ANK2: variants seen among roughly 807,000 people sequenced by gnomAD.
ANK2 encodes ankyrin-2.
Under a neutral mutation model 360.5 loss-of-function variants are expected in ANK2, and 83 were observed. The observed-to-expected ratio is 0.23, with a 90% CI of 0.19 to 0.28. The LOEUF is 0.28. Among genes scored for constraint, ANK2 ranks in the 10% least tolerant of loss-of-function variants. ANK2 has a pLI of 1.00. For synonymous variants in ANK2, 1,740 were observed against 1,759.5 expected (o/e 0.99, Z 0.28); for missense variants, 4,201 against 4,795.7 (o/e 0.88, Z 3.66).
chr4:113,073,890 T>C (rs2078819475), intron 1 of ANK2, among the ~76,000 whole-genome samples: 1 of 152,244 alleles, frequency 6.6e-6, no homozygotes, highest in South Asian at 2.1e-4. Flanking sequence ...TGCCAGCTGA[T>C]TATTTCCAGT....
upstream of ANK2, among the ~76,000 whole-genome samples, chr4:112,814,264 G>A (rs2055488151): frequency 1.3e-5 from 2 of 152,066 alleles, no homozygotes; most frequent in African/African-American, 4.8e-5. Flanking sequence ...CAGAAAACAA[G>A]TGTTAATTAC....
At chr4:113,134,895 A>G (rs767010852) in intron 1 of ANK2, among the ~76,000 whole-genome samples, 10 of 152,200 alleles carry the variant, frequency 6.6e-5, no homozygotes, top group Non-Finnish European at 1.5e-4. Flanking sequence ...ATGACCATAG[A>G]AACTTAAAAA....
upstream of ANK2, among the ~76,000 whole-genome samples, chr4:112,816,973 T>C (rs7680008): frequency 0.14 from 21,252 of 152,238 alleles, 2,168 homozygotes; most frequent in East Asian, 0.5. Context: ...ATTGTGCCAC[T>C]GCACTTCAGC....
chr4:113,344,866 G>A (rs571624932), intron 34 of ANK2, among the ~76,000 whole-genome samples: 1 of 152,238 alleles, frequency 6.6e-6, no homozygotes, highest in African/African-American at 2.4e-5. Flanking sequence ...TCTCCTCGAA[G>A]TGAAATAAAG....
At chr4:113,015,264 T>G (rs2056277434) in intron 2 of ANK2, among the ~76,000 whole-genome samples, 1 of 152,170 alleles carries the variant, frequency 6.6e-6, no homozygotes, top group Non-Finnish European at 1.5e-5. Context: ...CTTTCATAAG[T>G]CTTCATTTTC....
At chr4:112,989,640 G>A (rs2046078510) in intron 2 of ANK2, among the ~76,000 whole-genome samples, 1 of 152,184 alleles carries the variant, frequency 6.6e-6, no homozygotes, top group Admixed American at 6.5e-5. Flanking sequence ...ATATCCTGCA[G>A]CCTCATAGTG....
chr4:112,934,981 G>C (rs1397606696), intron 2 of ANK2, among the ~76,000 whole-genome samples: 1 of 152,184 alleles, frequency 6.6e-6, no homozygotes, highest in Non-Finnish European at 1.5e-5. Context: ...TTGGAGGAAA[G>C]AATCTTCCAT....
intron 5 of ANK2, among the ~76,000 whole-genome samples, chr4:113,236,370 T>C (rs1466067309): frequency 6.6e-6 from 1 of 152,202 alleles, no homozygotes; most frequent in Non-Finnish European, 1.5e-5. Context: ...CTAGCACATG[T>C]AATTTTATAT....
Position 113,297,023 on chromosome 4 carries a change from G to A in ANK2, c.2475+3485G>A, listed in dbSNP as rs189607406. Among the ~76,000 whole-genome samples the A allele has an allele frequency of 5.3e-3, 809 of 152,200 alleles. 7 individuals carry two copies. The highest frequency in any genetic ancestry group is 0.018 in the African/African-American group (761 of 41,538). ...ATAGTTCAGTAAACTCAGAAAATGT[G>A]AATATTCTAAGTCCTAAATCTTACC... On this transcript the variant is annotated intron_variant, in intron 22 of 45. Transcript: ENST00000357077.
chr4:112,883,856 A>G (rs1439202261), intron 1 of ANK2, among the ~76,000 whole-genome samples: 4 of 148,852 alleles, frequency 2.7e-5, no homozygotes, highest in Non-Finnish European at 4.4e-5. Flanking sequence ...AATATCATTC[A>G]TTCATATATA....
chr4:112,762,550 C>T, the ANK2 span, among the ~76,000 whole-genome samples: 1 of 152,316 alleles, frequency 6.6e-6, no homozygotes, highest in Non-Finnish European at 1.5e-5. Flanking sequence ...CTCACTGTCA[C>T]GTAGGCTGGA....
chr4:113,242,052 G>T, intron 8 of ANK2, 59 bp from the exon 9 acceptor site: 2 of 1,356,848 alleles, frequency 1.5e-6, no homozygotes, highest in African/African-American at 2.9e-5. Flanking sequence ...TAACACAAAG[G>T]CATCGCCATC....
At chr4:113,199,562 A>G (rs1023337141) in intron 4 of ANK2, among the ~76,000 whole-genome samples, 1 of 152,154 alleles carries the variant, frequency 6.6e-6, no homozygotes, top group African/African-American at 2.4e-5. Flanking sequence ...AGCTTTACTA[A>G]TAATAAATAG....
At chr4:112,746,507 CAAAAA>C in the ANK2 span, among the ~76,000 whole-genome samples, 1 of 121,792 alleles carries the variant, frequency 8.2e-6, no homozygotes, top group Non-Finnish European at 1.8e-5. Context: ...GATGCTGTCT[CAAAAA>C]AAAAAAAAAA....
upstream of ANK2, among the ~76,000 whole-genome samples, chr4:113,045,685 G>C (rs1187688691): frequency 1.3e-5 from 2 of 152,168 alleles, no homozygotes; most frequent in Admixed American, 6.6e-5. Context: ...CATTCCAGGA[G>C]CTAAAAGGGC....
intron 13 of ANK2, among the ~76,000 whole-genome samples, chr4:113,262,111 C>T (rs1336657045): frequency 2.6e-5 from 4 of 152,096 alleles, no homozygotes; most frequent in African/African-American, 7.2e-5. Flanking sequence ...ATTCCTGGGA[C>T]CTCTTTGACT....
At chr4:112,948,676 T>TTG (rs773462975) in intron 2 of ANK2, among the ~76,000 whole-genome samples, 22 of 152,178 alleles carry the variant, frequency 1.4e-4, no homozygotes, top group Admixed American at 9.2e-4. Context: ...ATCCCTGTTT[T>TTG]TGGTAATCAA....
intron 26 of ANK2, among the ~76,000 whole-genome samples, chr4:113,324,342 G>C (rs1369408078): frequency 6.6e-6 from 1 of 152,036 alleles, no homozygotes; most frequent in African/African-American, 2.4e-5. Flanking sequence ...AGCATGACTA[G>C]TCAGTGTTCT....
intron 2 of ANK2, among the ~76,000 whole-genome samples, chr4:112,965,353 GA>G (rs1193682477): frequency 1.3e-5 from 2 of 152,068 alleles, no homozygotes; most frequent in Non-Finnish European, 2.9e-5. Flanking sequence ...CAGATGATTA[GA>G]TTTTTTTTTC....
Sources: gnomAD v4.1 joint callset for allele counts (sites outside exome capture counted in the v4.1 genomes callset) on GRCh38, gnomAD v4.1.1 for gene constraint, MANE v1.5 for transcripts, NCBI Gene and HGNC (gene_info 2026-07-23, HGNC 2026-07-21) for gene names.